The following PPFIA2 variants were observed in gnomAD, a reference collection of about 807,000 sequenced individuals.
PPFIA2 encodes the protein PPFI scaffold protein A2, also known as liprin-alpha-2.
Under a neutral mutation model 175.5 loss-of-function variants are expected in PPFIA2, and 46 were observed. The observed-to-expected ratio is 0.26, with a 90% CI of 0.21 to 0.34. The LOEUF (loss-of-function observed/expected upper bound fraction) is 0.34, where lower values mean the gene tolerates loss of function less well. Among genes scored for constraint, PPFIA2 ranks in the 10% least tolerant of loss-of-function variants. The pLI, the probability that PPFIA2 is intolerant of heterozygous loss-of-function variation, is 1.00. For synonymous variants in PPFIA2, 568 were observed against 511.4 expected (o/e 1.11, Z -1.49); for missense variants, 1,179 against 1,506.1 (o/e 0.78, Z 3.60).
At chr12:81,589,406 A>G (rs1156291051) in intron 4 of PPFIA2, among the ~76,000 whole-genome samples, 1 of 152,124 alleles carries the variant, frequency 6.6e-6, no homozygotes, top group East Asian at 1.9e-4. Context: ...ATTTCAGGAT[A>G]TAAGTTTATT....
chr12:81,643,935 G>A (rs2065700465), intron 4 of PPFIA2, among the ~76,000 whole-genome samples: 1 of 151,860 alleles, frequency 6.6e-6, no homozygotes. Flanking sequence ...AAGAGGAATA[G>A]CAACAAACTT....
At chr12:81,339,037 A>G in intron 21 of PPFIA2, 143 bp downstream of exon 21, 1 of 762,904 alleles carries the variant, frequency 1.3e-6, no homozygotes, top group Non-Finnish European at 2.0e-6. Flanking sequence ...TTGAACATTT[A>G]AAGCTAATCA....
intron 4 of PPFIA2, among the ~76,000 whole-genome samples, chr12:81,519,796 G>C (rs980151333): frequency 6.6e-6 from 1 of 152,142 alleles, no homozygotes; most frequent in Non-Finnish European, 1.5e-5. Flanking sequence ...TTTATATACA[G>C]TCCCCCGTTA....
chr12:81,495,602 C>T (rs1244950624), intron 4 of PPFIA2, among the ~76,000 whole-genome samples: 1 of 152,086 alleles, frequency 6.6e-6, no homozygotes, highest in Non-Finnish European at 1.5e-5. Context: ...CCCAGGAATT[C>T]AAGATCAGCC....
chr12:81,375,950 T>A lies in PPFIA2; in HGVS notation c.985-8A>T, dbSNP rs762414629. 12 of 1,604,878 alleles carry A rather than the reference T, an allele frequency of 7.5e-6. No homozygotes were observed. Among genetic ancestry groups the A allele is most frequent in the Admixed American group, 5.1e-5 (3 of 58,580 alleles). ...TTCCTTTTGTGCCATGGCCTACAATTAAAATAATTTAGAAAAAGCAAATCA... is the reference window on the plus strand; with the variant it reads ...TTCCTTTTGTGCCATGGCCTACAATAAAAATAATTTAGAAAAAGCAAATCA... On this transcript the variant is annotated splice_polypyrimidine_tract_variant and splice_region_variant and intron_variant, in intron 9 of 32. Transcript: ENST00000549396.
At chr12:81,582,801 C>T (rs1267480049) in intron 4 of PPFIA2, among the ~76,000 whole-genome samples, 1 of 151,830 alleles carries the variant, frequency 6.6e-6, no homozygotes, top group African/African-American at 2.4e-5. Context: ...TGGAGTGTCA[C>T]ATATGATGAA....
chr12:81,414,638 C>G (rs1032969574), intron 7 of PPFIA2, among the ~76,000 whole-genome samples: 2 of 151,546 alleles, frequency 1.3e-5, no homozygotes, highest in African/African-American at 4.8e-5. Context: ...ATTCAATTAA[C>G]AATTCCCAGG....
intron 7 of PPFIA2, among the ~76,000 whole-genome samples, chr12:81,437,411 A>T (rs1239582098): frequency 6.6e-6 from 1 of 152,052 alleles, no homozygotes; most frequent in African/African-American, 2.4e-5. Context: ...TTGTATTTTT[A>T]ATAGAGACAG....
chr12:81,624,211 G>T (rs1421502743), intron 4 of PPFIA2, among the ~76,000 whole-genome samples: 1 of 151,486 alleles, frequency 6.6e-6, no homozygotes, highest in Non-Finnish European at 1.5e-5. Context: ...CCAGATGCTT[G>T]CTTTATGTTA....
At chr12:81,684,818 T>TC (rs1383415001) in intron 3 of PPFIA2, among the ~76,000 whole-genome samples, 1 of 152,102 alleles carries the variant, frequency 6.6e-6, no homozygotes. Flanking sequence ...CTCTGTATTT[T>TC]CTCATCTCTT....
rs762336479 is a variant in PPFIA2 at position 81,299,413 on chromosome 12, G to T, written c.2643-31C>A. The T allele has an allele frequency of 2.6e-6, 4 of 1,544,188 alleles. No homozygotes were observed. In the African/African-American group the frequency reaches 4.1e-5, roughly 16 times the overall value. On this transcript the variant is annotated intron_variant, in intron 22 of 32. Coordinates refer to ENST00000549396, the MANE Select transcript of PPFIA2 (RefSeq NM_003625.5). ...GTATATAGCAAAGATTATTAGGCAG[G>T]TATATGGAAAAATATGGCTGTGATT... is the stretch of plus-strand genomic sequence containing the variant.
At chr12:81,623,402 G>T (rs2062298163) in intron 4 of PPFIA2, among the ~76,000 whole-genome samples, 1 of 151,962 alleles carries the variant, frequency 6.6e-6, no homozygotes, top group Non-Finnish European at 1.5e-5. Context: ...TTAAAATGAT[G>T]AATATCTTAG....
At chr12:81,342,606 T>C (rs1463526943) in intron 19 of PPFIA2, among the ~76,000 whole-genome samples, 3 of 152,098 alleles carry the variant, frequency 2.0e-5, no homozygotes, top group African/African-American at 4.8e-5. Flanking sequence ...AGAATCTTTT[T>C]TCAATAACTG....
intron 3 of PPFIA2, among the ~76,000 whole-genome samples, chr12:81,702,770 G>A (rs1416977800): frequency 6.6e-6 from 1 of 152,140 alleles, no homozygotes; most frequent in East Asian, 1.9e-4. Flanking sequence ...AGAAGACAGA[G>A]TGTTTTGGAG....
intron 4 of PPFIA2, chr12:81,546,451 G>A (rs1318964237): frequency 6.6e-6 from 1 of 152,090 alleles, no homozygotes; most frequent in Non-Finnish European, 1.5e-5. Flanking sequence ...AGGAGCTCCA[G>A]TAAAAGGAAA....
intron 4 of PPFIA2, among the ~76,000 whole-genome samples, chr12:81,643,127 A>T (rs993415418): frequency 1.3e-5 from 2 of 150,306 alleles, no homozygotes; most frequent in South Asian, 2.1e-4. Context: ...TTCTTAAAAC[A>T]TATATATCCA....
intron 3 of PPFIA2, among the ~76,000 whole-genome samples, chr12:81,680,591 A>C (rs2073431162): frequency 1.3e-5 from 2 of 151,896 alleles, no homozygotes; most frequent in Admixed American, 1.3e-4. Flanking sequence ...GAACATGACA[A>C]AGGAGGCAGT....
intron 8 of PPFIA2, among the ~76,000 whole-genome samples, chr12:81,386,599 G>A (rs982134327): frequency 1.3e-5 from 2 of 151,796 alleles, no homozygotes; most frequent in Admixed American, 1.3e-4. Context: ...TCCAGCCTGG[G>A]TGAAAGAGTG....
intron 4 of PPFIA2, among the ~76,000 whole-genome samples, chr12:81,637,154 C>T (rs962850103): frequency 3.3e-5 from 5 of 149,514 alleles, no homozygotes; most frequent in Non-Finnish European, 5.9e-5. Context: ...ACTGCAACCT[C>T]TGTCTCCTGG....
Sources: gnomAD v4.1 joint callset for allele counts (sites outside exome capture counted in the v4.1 genomes callset) on GRCh38, gnomAD v4.1.1 for gene constraint, MANE v1.5 for transcripts, NCBI Gene and HGNC (gene_info 2026-07-23, HGNC 2026-07-21) for gene names.